Variants in SLCO4C1 observed in about 807,000 individuals in gnomAD.
SLCO4C1 encodes solute carrier organic anion transporter family member 4C1, also known as organic anion transporter M1.
In SLCO4C1, 58 loss-of-function variants were observed where a neutral mutation model predicts 72.1. The observed-to-expected ratio is 0.80, with a 90% CI of 0.65 to 1.00. SLCO4C1 has a LOEUF of 1.00. Among genes scored for constraint, SLCO4C1 ranks in the 50% least tolerant of loss-of-function variants. The pLI is 0.00. For synonymous variants in SLCO4C1, 297 were observed against 312.5 expected, an observed-to-expected ratio of 0.95 and a Z score of 0.52; for missense variants, 898 against 857.9, an observed-to-expected ratio of 1.05 and a Z score of -0.58.
Position 102,239,273 on chromosome 5 carries a change from C to T in SLCO4C1, c.1992G>A (p.Met664Ile). Residue 664 changes from methionine (M) to isoleucine (I), a missense_variant, in exon 12 of 13, where the codon ATG becomes ATA. Transcript: ENST00000310954. The part of the protein sequence containing the change: ...GACWIYDNIK[M>I]AHMLVAISVT... ...TACTTATGGCTACTAGCATATGGGC[C>T]ATCTTGATGTTATCATAAATCCAGC... 2 of 1,591,212 alleles carry T rather than the reference C, an allele frequency of 1.3e-6. No individual in the cohort carries two copies. Among genetic ancestry groups the T allele is most frequent in the South Asian group, 1.2e-5 (1 of 85,836 alleles).
At chr5:102,251,244 A>C (rs1217740817) in intron 8 of SLCO4C1, among the ~76,000 whole-genome samples, 1 of 152,214 alleles carries the variant, frequency 6.6e-6, no homozygotes, top group Admixed American at 6.5e-5. Flanking sequence ...GGAAAGTGAC[A>C]CTGTCAAAAG....
At position 102,260,320 on chromosome 5, in the gene SLCO4C1, CT is replaced by C; in HGVS notation, c.1022-2del. The C allele has an allele frequency of 4.5e-6, 3 of 667,246 alleles. No homozygotes were observed. Among genetic ancestry groups the C allele is most frequent in the Non-Finnish European group, 5.9e-6 (3 of 509,894 alleles). The allele number at this position is 667,246 out of a possible 1,614,324, so 41.3% of individuals were successfully genotyped here. A position where few individuals can be genotyped will look rare whatever the true frequency, so the allele number is the denominator to read the frequency against. On this transcript the variant is annotated splice_acceptor_variant, in intron 5 of 12. Coordinates refer to ENST00000310954, the MANE Select transcript of SLCO4C1 (RefSeq NM_180991.5). LOFTEE classifies it high-confidence loss of function. ...TTTCCAGCTTGAATTTCTGCTGTACCTAAAAAAAAAATATATATATATATAT... is the reference window on the plus strand; with the variant it reads ...TTTCCAGCTTGAATTTCTGCTGTACCAAAAAAAAAATATATATATATATAT...
At chr5:102,263,153 A>G (rs561863519) in intron 4 of SLCO4C1, among the ~76,000 whole-genome samples, 19 of 152,186 alleles carry the variant, frequency 1.2e-4, no homozygotes, top group South Asian at 4.1e-4. Flanking sequence ...ATAAGATAGC[A>G]CATAAAATAA....
Position 102,260,196 on chromosome 5 carries a change from G to T in SLCO4C1, c.1128+17C>A. The T allele has an allele frequency of 9.5e-7, 1 of 1,056,464 alleles. No individual in the cohort carries two copies. Among genetic ancestry groups the T allele is most frequent in the Non-Finnish European group, 1.3e-6 (1 of 778,982 alleles). The allele number at this position is 1,056,464 out of a possible 1,614,324, so 65.4% of individuals were successfully genotyped here. A position where few individuals can be genotyped will look rare whatever the true frequency, so the allele number is the denominator to read the frequency against. On this transcript the variant is annotated intron_variant, in intron 6 of 12. Transcript: ENST00000310954. ...TGTATGAGACTGAGAGAGAGACAGA[G>T]AAGAATTTTATTTTACCTTTAGAGC...
Position 102,296,204 on chromosome 5 carries a change from A to G in SLCO4C1, c.59T>C (p.Leu20Pro), listed in dbSNP as rs1210863745. ...GGAGGGCGACGCAGACAAGCGGCGC[A>G]GGATGTCTGGGCTGGAGGGGACAAA... ...LAFVPSSPDI[L>P]RRLSASPSQI... The change falls in exon 1 of 13, where the codon CTG becomes CCG. Residue 20 changes from leucine (L) to proline (P), a missense_variant. Leu to Pro is a moderately conservative substitution (Grantham distance 98, BLOSUM62 -3). Transcript: ENST00000310954. 6.2e-7 allele frequency: 1 copy of G among 1,602,380 alleles called. No homozygotes were observed. The highest frequency in any genetic ancestry group is 2.2e-5 in the East Asian group (1 of 44,690).
chr5:102,265,945 G>A (rs1388976666), intron 3 of SLCO4C1, among the ~76,000 whole-genome samples: 2 of 152,088 alleles, frequency 1.3e-5, no homozygotes, highest in East Asian at 3.9e-4. Context: ...GAATCCATGA[G>A]CATGGGATGC....
chr5:102,248,972 AAT>A (rs201846130), intron 9 of SLCO4C1, among the ~76,000 whole-genome samples: 1,685 of 152,334 alleles, frequency 0.011, 16 homozygotes, highest in Non-Finnish European at 0.019. Context: ...TCCAGAATTA[AAT>A]ATGAATTTGT....
chr5:102,280,509 C>A (rs947297063), intron 2 of SLCO4C1, among the ~76,000 whole-genome samples: 2 of 151,604 alleles, frequency 1.3e-5, no homozygotes, highest in Admixed American at 6.6e-5. Context: ...GATTGGAAGA[C>A]CCAACATAGT....
intron 8 of SLCO4C1, among the ~76,000 whole-genome samples, chr5:102,253,759 C>T (rs950610073): frequency 2.6e-5 from 4 of 151,140 alleles, no homozygotes; most frequent in African/African-American, 7.3e-5. Context: ...GAGCTGAGAT[C>T]GTGCCACTAC....
chr5:102,270,597 C>G, intron 3 of SLCO4C1, 27 bp downstream of exon 3: 1 of 1,560,498 alleles, frequency 6.4e-7, no homozygotes, highest in African/African-American at 1.4e-5. Context: ...TAAAGTGATA[C>G]TGAGACAGTT....
At chr5:102,259,629 C>A (rs1156652757) in intron 6 of SLCO4C1, among the ~76,000 whole-genome samples, 2 of 152,080 alleles carry the variant, frequency 1.3e-5, no homozygotes, top group Non-Finnish European at 2.9e-5. Context: ...AGAAAGAATA[C>A]TTTTCTGCTG....
chr5:102,259,500 A>C (rs1283339120), intron 6 of SLCO4C1, among the ~76,000 whole-genome samples: 1 of 152,162 alleles, frequency 6.6e-6, no homozygotes, highest in Non-Finnish European at 1.5e-5. Flanking sequence ...GGAGAAGTAA[A>C]AACATTTTAA....
At chr5:102,266,951 C>A (rs1423727732) in intron 3 of SLCO4C1, among the ~76,000 whole-genome samples, 2 of 152,160 alleles carry the variant, frequency 1.3e-5, no homozygotes, top group Non-Finnish European at 2.9e-5. Flanking sequence ...ATATGGCAAA[C>A]TAATTCTTGC....
Position 102,296,108 on chromosome 5 carries a change from G to A in SLCO4C1, c.155C>T (p.Pro52Leu), listed in dbSNP as rs1749648404. 2 of 1,614,144 alleles carry A rather than the reference G, an allele frequency of 1.2e-6. No individual in the cohort carries two copies. Among genetic ancestry groups the A allele is most frequent in the South Asian group, 1.1e-5 (1 of 91,084 alleles). The change falls in exon 1 of 13, where the codon CCC becomes CTC. Residue 52 changes from proline (P) to leucine (L), a missense_variant. Coordinates refer to ENST00000310954, the MANE Select transcript of SLCO4C1 (RefSeq NM_180991.5). ...ENSQPQELQK[P>L]QEPQKSPEPS... is the part of the protein sequence containing the mutation. ...CTCTGGTGACTTCTGGGGCTCCTGGGGCTTCTGAAGCTCCTGTGGCTGAGA... is the reference window on the plus strand; with the variant it reads ...CTCTGGTGACTTCTGGGGCTCCTGGAGCTTCTGAAGCTCCTGTGGCTGAGA...
chr5:102,268,918 C>G (rs1749096949), intron 3 of SLCO4C1, among the ~76,000 whole-genome samples: 1 of 152,016 alleles, frequency 6.6e-6, no homozygotes, highest in South Asian at 2.1e-4. Context: ...AATAGCTTTG[C>G]TGGATATAGT....
chr5:102,293,438 A>T (rs1310212845), intron 1 of SLCO4C1, among the ~76,000 whole-genome samples: 1 of 152,206 alleles, frequency 6.6e-6, no homozygotes, highest in Non-Finnish European at 1.5e-5. Flanking sequence ...ACTACTTAAA[A>T]AAACAAAAAC....
rs757458366 is a variant in SLCO4C1 at position 102,239,278 on chromosome 5, T to C, written c.1987A>G (p.Lys663Glu). 1.9e-6 allele frequency: 3 copies of C among 1,600,312 alleles called. No homozygotes were observed. The highest frequency in any genetic ancestry group is 2.6e-6 in the Non-Finnish European group (3 of 1,173,518). The change falls in exon 12 of 13, where the codon AAG becomes GAG. Residue 663 changes from lysine to glutamate, a missense_variant. Transcript: ENST00000310954. ...ATGGCTACTAGCATATGGGCCATCT[T>C]GATGTTATCATAAATCCAGCAAGCT... ...KGACWIYDNI[K>E]MAHMLVAISV... is the part of the protein sequence containing the mutation.
chr5:102,237,942 A>G (rs1748469533), intron 12 of SLCO4C1, among the ~76,000 whole-genome samples: 1 of 152,180 alleles, frequency 6.6e-6, no homozygotes, highest in African/African-American at 2.4e-5. Flanking sequence ...ACTAGTTCCA[A>G]CCACAGTATA....
intron 2 of SLCO4C1, among the ~76,000 whole-genome samples, chr5:102,278,657 T>C (rs1338926211): frequency 2.0e-5 from 3 of 152,118 alleles, no homozygotes; most frequent in Non-Finnish European, 4.4e-5. Context: ...TACAATGGAA[T>C]CTAATGAAAC....
Sources: gnomAD v4.1 joint callset for allele counts (sites outside exome capture counted in the v4.1 genomes callset) on GRCh38, gnomAD v4.1.1 for gene constraint, MANE v1.5 for transcripts, NCBI Gene and HGNC (gene_info 2026-07-23, HGNC 2026-07-21) for gene names.